FAM114A1: variants seen among roughly 807,000 people sequenced by gnomAD.
The protein encoded by FAM114A1 is protein NOXP20.
Under a neutral mutation model 64.3 loss-of-function variants are expected in FAM114A1, and 62 were observed. That is an observed-to-expected ratio of 0.96 (90% CI 0.79 to 1.19). The LOEUF (loss-of-function observed/expected upper bound fraction) is 1.19, where lower values mean the gene tolerates loss of function less well. Among genes scored for constraint, FAM114A1 ranks in the 50% most tolerant of loss-of-function variants. FAM114A1 has a pLI of 0.00. For synonymous variants in FAM114A1, 254 were observed against 251.1 expected (o/e 1.01, Z -0.11); for missense variants, 645 against 676.3 (o/e 0.95, Z 0.51).
rs1714899149 is a variant in FAM114A1 at position 38,878,500 on chromosome 4, G to A, written c.348+74G>A. The A allele has an allele frequency of 3.6e-6, 5 of 1,380,094 alleles. No individual in the cohort carries two copies. In the South Asian group the frequency reaches 7.1e-5, roughly 19 times the overall value. The allele number at this position is 1,380,094 out of a possible 1,614,324, so 85.5% of individuals were successfully genotyped here. On this transcript the variant is annotated intron_variant, in intron 3 of 14. Transcript: ENST00000358869. ...CTACCGTGTGCAGAGCTAGCACCAA[G>A]CTCTGTGGGTGGGAATTGGGAGTTC...
intron 4 of FAM114A1, among the ~76,000 whole-genome samples, chr4:38,894,068 CAGG>C (rs1716666033): frequency 6.8e-6 from 1 of 146,864 alleles, no homozygotes; most frequent in African/African-American, 2.5e-5. Context: ...GAGGCTGAGA[CAGG>C]AGAATTGCTT....
intron 4 of FAM114A1, among the ~76,000 whole-genome samples, chr4:38,896,631 G>A (rs1031288360): frequency 6.6e-6 from 1 of 152,122 alleles, no homozygotes; most frequent in Non-Finnish European, 1.5e-5. Context: ...TTAAAGTTAT[G>A]TGTGCCTTCC....
chr4:38,908,167 G>T (rs1280668049), intron 6 of FAM114A1, among the ~76,000 whole-genome samples: 1 of 152,054 alleles, frequency 6.6e-6, no homozygotes, highest in Non-Finnish European at 1.5e-5. Flanking sequence ...TTAATAGACT[G>T]CTCCAAGCAA....
At chr4:38,892,500 C>T (rs1187583235) in intron 4 of FAM114A1, among the ~76,000 whole-genome samples, 1 of 152,042 alleles carries the variant, frequency 6.6e-6, no homozygotes, top group African/African-American at 2.4e-5. Context: ...TGTTCTTATA[C>T]AAAGAGAAAA....
chr4:38,869,897 C>A (rs1313957227), intron 2 of FAM114A1, among the ~76,000 whole-genome samples: 2 of 152,096 alleles, frequency 1.3e-5, no homozygotes, highest in Admixed American at 6.5e-5. Flanking sequence ...AAGATGAAGG[C>A]AGTCCTTTAC....
chr4:38,940,898 T>C (rs1024154179), intron 13 of FAM114A1, 70 bp from the exon 14 acceptor site: 1 of 1,499,474 alleles, frequency 6.7e-7, no homozygotes, highest in Admixed American at 1.7e-5. Context: ...AGCTAGTGTA[T>C]TACATTTTAC....
intron 8 of FAM114A1, among the ~76,000 whole-genome samples, chr4:38,917,779 TC>T (rs1560317829): frequency 6.6e-6 from 1 of 152,214 alleles, no homozygotes; most frequent in African/African-American, 2.4e-5. Context: ...GGAAGAAGGT[TC>T]GGCCTTTGGA....
intron 4 of FAM114A1, among the ~76,000 whole-genome samples, chr4:38,900,885 C>G (rs757217433): frequency 5.9e-5 from 9 of 151,594 alleles, no homozygotes; most frequent in Non-Finnish European, 1.2e-4. Flanking sequence ...TATTTGGTAT[C>G]TCTGAACTAT....
intron 8 of FAM114A1, among the ~76,000 whole-genome samples, chr4:38,918,705 T>A (rs1479893689): frequency 6.6e-6 from 1 of 152,192 alleles, no homozygotes; most frequent in Non-Finnish European, 1.5e-5. Context: ...ACACCTGTAA[T>A]CCCAACACTT....
chr4:38,929,724 C>A (rs1720476772), intron 10 of FAM114A1, among the ~76,000 whole-genome samples: 1 of 152,212 alleles, frequency 6.6e-6, no homozygotes, highest in African/African-American at 2.4e-5. Context: ...TTGCAGGGAG[C>A]TGAGATTGTG....
At chr4:38,928,512 C>T (rs1720347642) in intron 9 of FAM114A1, among the ~76,000 whole-genome samples, 1 of 151,724 alleles carries the variant, frequency 6.6e-6, no homozygotes, top group Non-Finnish European at 1.5e-5. Context: ...ATTAATATAT[C>T]ATATTATATA....
At chr4:38,882,318 CAAAAA>C (rs56370212) in intron 3 of FAM114A1, among the ~76,000 whole-genome samples, 2 of 48,802 alleles carry the variant, frequency 4.1e-5, no homozygotes. Flanking sequence ...GACTCCGTCT[CAAAAA>C]AAAAAAAAAA....
At chr4:38,893,105 C>G (rs969345262) in intron 4 of FAM114A1, among the ~76,000 whole-genome samples, 2 of 152,226 alleles carry the variant, frequency 1.3e-5, no homozygotes, top group African/African-American at 4.8e-5. Flanking sequence ...AGTAGAGGCG[C>G]CTGTTTTGTT....
At chr4:38,920,997 G>A (rs1019852719) in intron 8 of FAM114A1, among the ~76,000 whole-genome samples, 3 of 152,178 alleles carry the variant, frequency 2.0e-5, no homozygotes, top group African/African-American at 7.2e-5. Flanking sequence ...TTAGGAAAAT[G>A]GTGTCCTGGT....
At chr4:38,934,439 C>G (rs759788684) in intron 12 of FAM114A1, among the ~76,000 whole-genome samples, 90 of 152,086 alleles carry the variant, frequency 5.9e-4, no homozygotes, top group Non-Finnish European at 1.2e-3. Context: ...GGATATAGCT[C>G]ATAAAACCTA....
chr4:38,923,218 C>T (rs1433888219), intron 9 of FAM114A1, among the ~76,000 whole-genome samples: 1 of 145,820 alleles, frequency 6.9e-6, no homozygotes, highest in Non-Finnish European at 1.5e-5. Context: ...AGAGTTTATG[C>T]TGCCACTTTT....
intron 3 of FAM114A1, among the ~76,000 whole-genome samples, chr4:38,891,440 A>AT (rs1454412637): frequency 6.6e-6 from 1 of 152,070 alleles, no homozygotes; most frequent in East Asian, 1.9e-4. Flanking sequence ...TCTTTTTCCC[A>AT]TGCAGCCTTT....
chr4:38,886,494 A>G (rs1715817343), intron 3 of FAM114A1, among the ~76,000 whole-genome samples: 1 of 151,832 alleles, frequency 6.6e-6, no homozygotes, highest in African/African-American at 2.4e-5. Flanking sequence ...TTTTTAAGAG[A>G]CAAAGAAGAA....
chr4:38,943,348 A>C, intron 14 of FAM114A1, 108 bp from the exon 15 acceptor site: 1 of 812,920 alleles, frequency 1.2e-6, no homozygotes, highest in Non-Finnish European at 1.9e-6. Flanking sequence ...GATAAATATA[A>C]TCCAATATGG....
Sources: gnomAD v4.1 joint callset for allele counts (sites outside exome capture counted in the v4.1 genomes callset) on GRCh38, gnomAD v4.1.1 for gene constraint, MANE v1.5 for transcripts, NCBI Gene and HGNC (gene_info 2026-07-23, HGNC 2026-07-21) for gene names.